BRWD1: variants seen among roughly 807,000 people sequenced by gnomAD.
BRWD1 encodes the protein bromodomain and WD repeat-containing protein 1.
In BRWD1, 82 loss-of-function variants were observed where a neutral mutation model predicts 251.2. The ratio of observed to expected loss-of-function variants is 0.33; its 90% confidence interval spans 0.27 to 0.39. The LOEUF is 0.39. Among genes scored for constraint, BRWD1 ranks in the 10% least tolerant of loss-of-function variants. The probability of loss-of-function intolerance (pLI) is 1.00; values close to 1 mark genes in which losing one functional copy is unlikely to be tolerated. For missense variants in BRWD1, 2,233 were observed against 2,711.6 expected (o/e 0.82, Z 3.92); for synonymous variants, 918 against 902.8 (o/e 1.02, Z -0.30).
chr21:39,282,512 T>C (rs1286925841), intron 8 of BRWD1, among the ~76,000 whole-genome samples: 1 of 152,206 alleles, frequency 6.6e-6, no homozygotes, highest in Non-Finnish European at 1.5e-5. Context: ...TAATTAAAAT[T>C]GAAGATTCTT....
chr21:39,302,779 G>T (rs1239281887), intron 4 of BRWD1, among the ~76,000 whole-genome samples: 2 of 147,058 alleles, frequency 1.4e-5, no homozygotes, highest in Admixed American at 6.8e-5. Context: ...AAAAAGTAAG[G>T]CCAGGCATGG....
rs1408050402 is a variant in BRWD1 at position 39,197,032 on chromosome 21, CCTGA to C, written c.6033_6036del (p.Ser2011ArgfsTer3). On this transcript the variant is annotated frameshift_variant, in exon 41 of 41. Coordinates refer to ENST00000342449, the MANE Select transcript of BRWD1 (RefSeq NM_033656.4). LOFTEE classifies it low-confidence loss of function (END_TRUNC). ...TCAGAGTCTGAGTCTCCATTTAGAG[CCTGA>C]CTAAGCACTTTTGTACTACCTTCGG... 3.7e-6 allele frequency: 6 copies of C among 1,614,012 alleles called. No homozygotes were observed. The African/African-American group carries it at 6.7e-5, about 18-fold the overall frequency.
At chr21:39,314,002 C>T (rs1261124139), upstream of BRWD1, 3 of 448,384 alleles carry the variant, frequency 6.7e-6, no homozygotes, top group South Asian at 1.6e-5. Context: ...CCCGTGGGAC[C>T]TGGGTCCTCT....
At chr21:39,212,621 CAAAGAA>C (rs750253930) in intron 34 of BRWD1, 39 bp downstream of exon 34, 1 of 1,434,640 alleles carries the variant, frequency 7.0e-7, no homozygotes, top group South Asian at 1.2e-5. Context: ...GATTTTAAAA[CAAAGAA>C]AAAGAAACTA....
At chr21:39,270,978 G>T (rs1023943872) in intron 13 of BRWD1, among the ~76,000 whole-genome samples, 1 of 152,212 alleles carries the variant, frequency 6.6e-6, no homozygotes, top group East Asian at 1.9e-4. Flanking sequence ...CACATGCCTA[G>T]AATGTTTTTC....
chr21:39,292,053 C>T (rs1045535838), intron 8 of BRWD1, among the ~76,000 whole-genome samples: 50 of 147,988 alleles, frequency 3.4e-4, no homozygotes, highest in African/African-American at 1.2e-3. Flanking sequence ...TCAAGCAATC[C>T]TCCCTCAACC....
At chr21:39,309,151 C>T (rs759950870) in intron 4 of BRWD1, among the ~76,000 whole-genome samples, 6 of 148,844 alleles carry the variant, frequency 4.0e-5, no homozygotes, top group African/African-American at 1.5e-4. Context: ...TCCAGCCTGG[C>T]GACAGAGTGA....
intron 8 of BRWD1, among the ~76,000 whole-genome samples, chr21:39,284,297 T>C (rs972287480): frequency 2.0e-5 from 3 of 152,244 alleles, no homozygotes; most frequent in South Asian, 2.1e-4. Flanking sequence ...TTGTGAAACA[T>C]AGCAAGACAC....
chr21:39,209,503 A>C (rs78332860), intron 36 of BRWD1, among the ~76,000 whole-genome samples: 15,477 of 152,114 alleles, frequency 0.1, 915 homozygotes, highest in East Asian at 0.14. Flanking sequence ...TCAAGCAAAG[A>C]GCCTCCACTG....
chr21:39,209,799 G>A (rs1045448030), intron 36 of BRWD1, 196 bp downstream of exon 36: 1 of 478,724 alleles, frequency 2.1e-6, no homozygotes. Context: ...ATCAACTGAT[G>A]AAAGGCAAAA....
chr21:39,198,667 T>A (rs907778161), intron 40 of BRWD1, 96 bp downstream of exon 40: 31 of 1,106,544 alleles, frequency 2.8e-5, no homozygotes, highest in Middle Eastern at 3.1e-4. Flanking sequence ...GAAAAAAGTT[T>A]CAAGGGAAAC....
At position 39,194,097 on chromosome 21, in the gene BRWD1, C is replaced by A. The variant is rs1479075890; in HGVS notation, c.*2162G>T. The A allele has an allele frequency of 1.1e-5, 11 of 985,340 alleles. No homozygotes were observed. Among genetic ancestry groups the A allele is most frequent in the Non-Finnish European group, 6.0e-6 (5 of 829,842 alleles). 61.0% of individuals were successfully genotyped at this position (985,340 alleles called of 1,614,324 possible). On this transcript the variant is annotated 3_prime_UTR_variant, in exon 41 of 41. Coordinates refer to ENST00000342449, the MANE Select transcript of BRWD1 (RefSeq NM_033656.4). ...ACCACTTCTGTATGCAAGGGTCTAA[C>A]TATTTTGGACTGAAAGAAAAAATGG...
At chr21:39,313,927 C>T, upstream of BRWD1, 1 of 335,214 alleles carries the variant, frequency 3.0e-6, no homozygotes, top group South Asian at 2.2e-5. Context: ...CGCCGGGTGG[C>T]CCAGCAGCGG....
At chr21:39,213,096 CTTTT>C (rs1018347654) in intron 33 of BRWD1, among the ~76,000 whole-genome samples, 2 of 152,092 alleles carry the variant, frequency 1.3e-5, no homozygotes, top group African/African-American at 4.8e-5. Context: ...CCCCATCTAA[CTTTT>C]TTATTTATTG....
chr21:39,185,312 A>AAAC (rs2031164180), downstream of BRWD1: 1 of 150,594 alleles, frequency 6.6e-6, no homozygotes, highest in African/African-American at 2.4e-5. Context: ...AAAAAAAAAA[A>AAAC]AAAAAAAAAA....
chr21:39,228,335 G>GT (rs1049797433), intron 27 of BRWD1, among the ~76,000 whole-genome samples, 165 bp downstream of exon 27: 3 of 152,030 alleles, frequency 2.0e-5, no homozygotes, highest in Admixed American at 1.3e-4. Flanking sequence ...TGCATAATCA[G>GT]TAAGTACCAA....
At chr21:39,297,464 G>C in intron 5 of BRWD1, 1 of 938,602 alleles carries the variant, frequency 1.1e-6, no homozygotes, top group African/African-American at 1.8e-5. Flanking sequence ...CAACGACATG[G>C]AGCTTGACAC....
chr21:39,290,805 C>T (rs2035786928), intron 8 of BRWD1, among the ~76,000 whole-genome samples: 2 of 152,150 alleles, frequency 1.3e-5, no homozygotes, highest in Non-Finnish European at 2.9e-5. Flanking sequence ...AGTAAGTACA[C>T]AAACCAAAAA....
chr21:39,243,011 ACAC>A (rs1187467469), intron 21 of BRWD1, among the ~76,000 whole-genome samples: 1 of 152,212 alleles, frequency 6.6e-6, no homozygotes, highest in Non-Finnish European at 1.5e-5. Context: ...ATGCCTGCTA[ACAC>A]CACATCCATT....
Sources: allele counts gnomAD v4.1 joint callset (sites outside exome capture counted in the v4.1 genomes callset), GRCh38; gene constraint gnomAD v4.1.1; transcripts MANE v1.5; gene names NCBI Gene and HGNC (gene_info 2026-07-23, HGNC 2026-07-21).